YY1AP1: variants seen among roughly 807,000 people sequenced by gnomAD.
YY1AP1 encodes YY1 associated protein 1, also known as YY1-associated protein 1.
Under a neutral mutation model 39.9 loss-of-function variants are expected in YY1AP1, and 43 were observed. That is an observed-to-expected ratio of 1.08 (90% CI 0.84 to 1.39). The LOEUF (loss-of-function observed/expected upper bound fraction) is 1.39, where lower values mean the gene tolerates loss of function less well. YY1AP1 is among the 40% of genes most tolerant of loss of function. The probability of loss-of-function intolerance (pLI) is 0.00; values close to 1 mark genes in which losing one functional copy is unlikely to be tolerated. For missense variants in YY1AP1, 813 were observed against 900.7 expected (o/e 0.90, Z 1.25); for synonymous variants, 292 against 331.3 (o/e 0.88, Z 1.29).
At chr1:155,684,115 G>A (rs1435354726) in intron 2 of YY1AP1, among the ~76,000 whole-genome samples, 5 of 152,226 alleles carry the variant, frequency 3.3e-5, no homozygotes, top group African/African-American at 1.2e-4. Context: ...GGGCGTGTTG[G>A]CACGCGCCTG....
Position 155,660,320 on chromosome 1 carries a change from G to T in YY1AP1, c.1590C>A (p.Pro530=). 6.2e-7 allele frequency: 1 copy of T among 1,614,192 alleles called. No individual in the cohort carries two copies. Among genetic ancestry groups the T allele is most frequent in the South Asian group, 1.1e-5 (1 of 91,082 alleles). ...MFRKPYVRRR[P]SKRRGARAFR... Reference sequence around the variant, plus strand: ...AGGCCCTGGCTCCCCTTCTTTTTGAGGGTCTCCGTCTCACATATGGCTTTC... The same window carrying T: ...AGGCCCTGGCTCCCCTTCTTTTTGATGGTCTCCGTCTCACATATGGCTTTC... The change falls in exon 11 of 11, where the codon CCC becomes CCA. Residue 530 remains proline (P), a synonymous_variant. Transcript: ENST00000355499.
At chr1:155,674,886 G>A (rs1452815439) in intron 6 of YY1AP1, 124 bp downstream of exon 6, 3 of 798,934 alleles carry the variant, frequency 3.8e-6, no homozygotes, top group African/African-American at 1.7e-5. Flanking sequence ...AGTGGCTTAT[G>A]TTCACTCAGC....
rs755463748 is a variant in YY1AP1, at chr1:155,672,611, T to C, written c.532A>G (p.Ser178Gly). 1 of 1,613,596 alleles carries C rather than the reference T, an allele frequency of 6.2e-7. No individual in the cohort carries two copies. Among genetic ancestry groups the C allele is most frequent in the Middle Eastern group, 1.6e-4 (1 of 6,062 alleles). The change falls in exon 7 of 11, where the codon AGC becomes GGC. Residue 178 changes from serine to glycine, a missense_variant. Ser to Gly is a moderately conservative substitution (Grantham distance 56). This residue lies in a region of YY1AP1 where 31 missense variants were observed against 63.7 expected (regional missense o/e 0.49). Transcript: ENST00000355499. ...CTGCAGTCAATGCTGACATGTGTGC[T>C]GAAGTCTTCAATCAGCTGCATAGCT... is the stretch of plus-strand genomic sequence containing the variant. ...MGAMQLIEDF[S>G]THVSIDCSPH...
chr1:155,673,651 C>T (rs1399173225), intron 6 of YY1AP1, among the ~76,000 whole-genome samples: 1 of 152,102 alleles, frequency 6.6e-6, no homozygotes, highest in Non-Finnish European at 1.5e-5. Context: ...TCAAGTGATC[C>T]TCCTACCTCA....
chr1:155,667,916 A>ATACG (rs1243684260), intron 9 of YY1AP1, among the ~76,000 whole-genome samples: 1 of 151,704 alleles, frequency 6.6e-6, no homozygotes, highest in Non-Finnish European at 1.5e-5. Flanking sequence ...ACATACATAC[A>ATACG]TACATACATA....
chr1:155,663,632 T>C (rs1439226026), intron 9 of YY1AP1, among the ~76,000 whole-genome samples: 2 of 151,712 alleles, frequency 1.3e-5, no homozygotes, highest in South Asian at 2.1e-4. Flanking sequence ...AACAGGACAA[T>C]TGCTTGAACC....
At chr1:155,668,487 C>G (rs1372831899) in intron 9 of YY1AP1, 140 bp downstream of exon 9, 1 of 1,312,358 alleles carries the variant, frequency 7.6e-7, no homozygotes, top group Non-Finnish European at 1.1e-6. Context: ...GAAAAGGCAA[C>G]AGGGGAATTA....
At position 155,668,782 on chromosome 1, in the gene YY1AP1, G is replaced by A. The variant is rs376064614; in HGVS notation, c.729-5C>T. 1.2e-6 allele frequency: 2 copies of A among 1,614,036 alleles called. No individual in the cohort carries two copies. The highest frequency in any genetic ancestry group is 2.7e-5 in the African/African-American group (2 of 74,924). On this transcript the variant is annotated splice_region_variant and splice_polypyrimidine_tract_variant and intron_variant, in intron 8 of 10. Transcript: ENST00000355499. ...TTCAGTCCTAAAGCTAACAAACTGA[G>A]AAAGGAGCAATAACACTAAATCTCA...
chr1:155,683,213 A>G (rs913286477), intron 2 of YY1AP1, among the ~76,000 whole-genome samples: 2 of 152,268 alleles, frequency 1.3e-5, no homozygotes, highest in African/African-American at 2.4e-5. Flanking sequence ...GCCCAAATTA[A>G]TAAGTCCTGA....
In YY1AP1 at chr1:155,659,884, C is replaced by A; in HGVS notation, c.2026G>T (p.Glu676Ter). The A allele has an allele frequency of 1.2e-6, 2 of 1,614,188 alleles. No homozygotes were observed. Among genetic ancestry groups the A allele is most frequent in the Non-Finnish European group, 1.7e-6 (2 of 1,180,036 alleles). The change falls in exon 11 of 11, where the codon GAA becomes TAA. Residue 676 changes from glutamate (E) to a stop codon, truncating the protein, a stop_gained. Coordinates refer to ENST00000355499, the MANE Select transcript of YY1AP1 (RefSeq NM_139119.3). LOFTEE classifies it low-confidence loss of function (END_TRUNC). ...PLSATVFPKVEHSPGPPPVDK... is the reference protein window; with the variant it reads ...PLSATVFPKV ...ACTGGTGGAGGCCCTGGGCTATGTT[C>A]CACTTTGGGGAAAACAGTAGCAGAG...
At chr1:155,685,312 T>C (rs553151810) in intron 2 of YY1AP1, among the ~76,000 whole-genome samples, 30 of 152,332 alleles carry the variant, frequency 2.0e-4, no homozygotes, top group African/African-American at 6.5e-4. Context: ...TATCACACAA[T>C]TCACAGCATC....
chr1:155,679,141 T>A, intron 4 of YY1AP1: 1 of 1,392,978 alleles, frequency 7.2e-7, no homozygotes, highest in Non-Finnish European at 9.5e-7. Context: ...CCTACATACC[T>A]CTCCAGCACC....
chr1:155,661,518 C>G (rs1273409480), intron 9 of YY1AP1, 95 bp from the exon 10 acceptor site: 2 of 395,670 alleles, frequency 5.1e-6, no homozygotes, highest in African/African-American at 3.0e-5. Flanking sequence ...TCAAGAGAAA[C>G]ACACACACAC....
At position 155,688,140 on chromosome 1, in the gene YY1AP1, G is replaced by A. The variant is rs139279518; in HGVS notation, c.-90C>T. The A allele has an allele frequency of 2.2e-5, 35 of 1,612,872 alleles. No homozygotes were observed. The African/African-American group carries it at 4.4e-4, about 20-fold the overall frequency. ...GAGGGGGTGGCCGCCAGGCTCCTCC[G>A]CTTCCCTGGGTCCACCGCGGATCCC... On this transcript the variant is annotated 5_prime_UTR_variant, in exon 2 of 11. Transcript: ENST00000355499.
Position 155,668,752 on chromosome 1 carries a change from A to G in YY1AP1, c.754T>C (p.Phe252Leu), listed in dbSNP as rs772587848. The change falls in exon 9 of 11, where the codon TTT becomes CTT. Residue 252 changes from phenylalanine to leucine, a missense_variant. Phe to Leu is a conservative substitution (Grantham distance 22, BLOSUM62 0). Coordinates refer to ENST00000355499, the MANE Select transcript of YY1AP1 (RefSeq NM_139119.3). ...DNLLALGLKH[F>L]EGTEFLNPLI... is the part of the protein sequence containing the mutation. ...GGGTTAAGAAACTCAGTCCCTTCAA[A>G]ATGCTTCAGTCCTAAAGCTAACAAA... The G allele has an allele frequency of 1.9e-6, 3 of 1,614,058 alleles. No homozygotes were observed. Among genetic ancestry groups the G allele is most frequent in the Non-Finnish European group, 2.5e-6 (3 of 1,180,040 alleles).
At chr1:155,665,987 C>G (rs1160960603) in intron 9 of YY1AP1, among the ~76,000 whole-genome samples, 5 of 151,756 alleles carry the variant, frequency 3.3e-5, no homozygotes, top group Non-Finnish European at 7.4e-5. Context: ...GCAATTTCTT[C>G]AAGATGAAAG....
chr1:155,688,975 A>T (rs147058489), upstream of YY1AP1: 900 of 1,607,234 alleles, frequency 5.6e-4, 3 homozygotes, highest in African/African-American at 5.1e-3. Context: ...CTCCTCCTCC[A>T]TGGGACCGCG....
chr1:155,672,315 T>G (rs1649984575), intron 7 of YY1AP1: 2 of 576,518 alleles, frequency 3.5e-6, no homozygotes, highest in Non-Finnish European at 6.2e-6. Context: ...GAGCCTCAGA[T>G]CTCTACCTCC....
intron 2 of YY1AP1, among the ~76,000 whole-genome samples, chr1:155,681,691 C>A (rs1056865321): frequency 6.6e-6 from 1 of 152,076 alleles, no homozygotes; most frequent in African/African-American, 2.4e-5. Flanking sequence ...AATTAGAAGA[C>A]CAAGAGAACA....
Sources: allele counts gnomAD v4.1 joint callset (sites outside exome capture counted in the v4.1 genomes callset), GRCh38; gene constraint gnomAD v4.1.1; regional missense constraint gnomAD v4.1.1; transcripts MANE v1.5; gene names NCBI Gene and HGNC (gene_info 2026-07-23, HGNC 2026-07-21).